The following DNA2 variants were observed in gnomAD, a reference collection of about 807,000 sequenced individuals.
DNA2 encodes the protein DNA replication ATP-dependent helicase/nuclease DNA2.
A neutral mutation model predicts 119.1 loss-of-function variants in DNA2; 101 were observed. The ratio of observed to expected loss-of-function variants is 0.85; its 90% confidence interval spans 0.72 to 1.00. The LOEUF (loss-of-function observed/expected upper bound fraction) is 1.00, where lower values mean the gene tolerates loss of function less well. Among genes scored for constraint, DNA2 ranks in the 50% least tolerant of loss-of-function variants. The pLI, the probability that DNA2 is intolerant of heterozygous loss-of-function variation, is 0.00. For synonymous variants in DNA2, 366 were observed against 424.4 expected, an observed-to-expected ratio of 0.86 and a Z score of 1.69; for missense variants, 1,121 against 1,255.5, an observed-to-expected ratio of 0.89 and a Z score of 1.62.
chr10:68,415,003 A>G lies in DNA2; in HGVS notation c.*36T>C, dbSNP rs757936460. ...TGTATGGGCACTAGCTAGAGGAGAT[A>G]CTGCCCTAGTATGAAAAGGCAAGGG... On this transcript the variant is annotated 3_prime_UTR_variant, in exon 21 of 21. Coordinates refer to ENST00000358410, the MANE Select transcript of DNA2 (RefSeq NM_001080449.3). 1.4e-6 allele frequency: 2 copies of G among 1,380,950 alleles called. No homozygotes were observed. The highest frequency in any genetic ancestry group is 1.3e-5 in the South Asian group (1 of 79,896). 85.5% of individuals were successfully genotyped at this position (1,380,950 alleles called of 1,614,324 possible). A position where few individuals can be genotyped will look rare whatever the true frequency, so the allele number is the denominator to read the frequency against.
Position 68,422,844 on chromosome 10 carries a change from G to T in DNA2, c.2255C>A (p.Ser752Tyr). Reference protein sequence around the residue: ...TCMGINHPIFSRKIFDFCIVD... With the variant: ...TCMGINHPIFYRKIFDFCIVD... ...AATACAAAAATCAAAAATTTTACGG[G>T]AAAATATTGGATGGTTTATTCCCAT... The change falls in exon 15 of 21, where the codon TCC (serine) becomes TAC (tyrosine). Residue 752 changes from serine to tyrosine, a missense_variant. Ser to Tyr is a moderately radical substitution (Grantham distance 144, BLOSUM62 -2). Transcript: ENST00000358410. 1 of 1,608,454 alleles carries T rather than the reference G, an allele frequency of 6.2e-7. No individual in the cohort carries two copies. The highest frequency in any genetic ancestry group is 8.5e-7 in the Non-Finnish European group (1 of 1,178,634).
Position 68,459,489 on chromosome 10 carries a change from C to T in DNA2, c.588-254G>A, listed in dbSNP as rs139644023. On this transcript the variant is annotated intron_variant, in intron 4 of 20. Coordinates refer to ENST00000358410, the MANE Select transcript of DNA2 (RefSeq NM_001080449.3). Reference sequence around the variant, plus strand: ...ACATTGAAGAACCTTCAGGACATTACGCTAAGTGAAATAGGCCAGTCACAA... The same window carrying T: ...ACATTGAAGAACCTTCAGGACATTATGCTAAGTGAAATAGGCCAGTCACAA... 1.2e-3 allele frequency among the ~76,000 whole-genome samples: 189 copies of T among 152,208 alleles called. 1 individual carries two copies. The highest frequency in any genetic ancestry group is 0.01 in the Middle Eastern group (3 of 294).
intron 4 of DNA2, among the ~76,000 whole-genome samples, chr10:68,460,610 G>A (rs1423191830): frequency 6.6e-6 from 1 of 152,032 alleles, no homozygotes; most frequent in East Asian, 1.9e-4. Context: ...GTTTCACCAT[G>A]TTGGCCAGCC....
chr10:68,425,197 C>A (rs534872752), intron 14 of DNA2, among the ~76,000 whole-genome samples: 1 of 148,428 alleles, frequency 6.7e-6, no homozygotes, highest in Admixed American at 6.9e-5. Context: ...CAGGTTCAAG[C>A]GATTCTCCTG....
intron 6 of DNA2, among the ~76,000 whole-genome samples, chr10:68,447,765 T>C (rs1019937919): frequency 6.6e-6 from 1 of 151,224 alleles, no homozygotes; most frequent in Non-Finnish European, 1.5e-5. Flanking sequence ...GGGCGGATCA[T>C]GAGGTCAGGA....
intron 19 of DNA2, among the ~76,000 whole-genome samples, chr10:68,417,291 G>A (rs1490999065): frequency 1.3e-5 from 2 of 149,722 alleles, no homozygotes; most frequent in Non-Finnish European, 3.0e-5. Context: ...GATGAGGGAT[G>A]GAGTACAAAG....
intron 1 of DNA2, 22 bp downstream of exon 1, chr10:68,471,769 A>G (rs1590080525): frequency 1.3e-6 from 2 of 1,574,060 alleles, no homozygotes; most frequent in African/African-American, 1.4e-5. Flanking sequence ...TTGTTCCCAC[A>G]CCCTCCCCCC....
At chr10:68,457,004 G>T (rs949182896) in intron 5 of DNA2, among the ~76,000 whole-genome samples, 33 of 151,892 alleles carry the variant, frequency 2.2e-4, no homozygotes, top group East Asian at 3.9e-4. Flanking sequence ...CATGGTGGCA[G>T]GCACCTGTAG....
chr10:68,460,908 T>A (rs868104539), intron 4 of DNA2, among the ~76,000 whole-genome samples: 2,106 of 143,556 alleles, frequency 0.015, 52 homozygotes, highest in African/African-American at 0.05. Flanking sequence ...AGACCCTGTT[T>A]AAAAAAAAAA....
chr10:68,471,117 A>C (rs2052376915), intron 1 of DNA2, among the ~76,000 whole-genome samples: 1 of 152,160 alleles, frequency 6.6e-6, no homozygotes, highest in Non-Finnish European at 1.5e-5. Flanking sequence ...GGAGGGTCCA[A>C]AGTCATTACC....
chr10:68,438,134 C>A (rs1001043701), intron 9 of DNA2, among the ~76,000 whole-genome samples: 1 of 152,148 alleles, frequency 6.6e-6, no homozygotes, highest in Non-Finnish European at 1.5e-5. Context: ...GCACTTTGAT[C>A]CCTGAGGGGT....
In DNA2 at chr10:68,432,453, A is replaced by T; in HGVS notation, c.1704T>A (p.Asn568Lys). The change falls in exon 11 of 21, where the codon AAT becomes AAA. Residue 568 changes from asparagine (N) to lysine (K), a missense_variant. Asn to Lys is a moderately conservative substitution (Grantham distance 94, BLOSUM62 0). Transcript: ENST00000358410. ...TTCCTAATGGGGTATCTATATCACA[A>T]TTTTTTTCTTCTTGGTCTAATCTGA... Reference protein sequence around the residue: ...TLFRLDQEEKNCDIDTPLGNL... With the variant: ...TLFRLDQEEKKCDIDTPLGNL... 6.9e-6 allele frequency: 11 copies of T among 1,591,124 alleles called. No homozygotes were observed. Among genetic ancestry groups the T allele is most frequent in the Non-Finnish European group, 9.4e-6 (11 of 1,168,932 alleles).
At chr10:68,470,219 CA>C in intron 1 of DNA2, 56 bp from the exon 2 acceptor site, 1 of 1,433,360 alleles carries the variant, frequency 7.0e-7, no homozygotes, top group Non-Finnish European at 9.3e-7. Context: ...AGAAGCCATC[CA>C]ATATGTTTTA....
chr10:68,424,621 C>A (rs1282204576), intron 14 of DNA2: 13 of 1,506,116 alleles, frequency 8.6e-6, no homozygotes, highest in Non-Finnish European at 6.5e-6. Context: ...CACTTCCATG[C>A]CCCCTTGCAC....
intron 4 of DNA2, among the ~76,000 whole-genome samples, chr10:68,464,217 G>A (rs2052297232): frequency 6.6e-6 from 1 of 152,070 alleles, no homozygotes; most frequent in African/African-American, 2.4e-5. Context: ...TTGGTAATAT[G>A]TATCAAAATT....
rs773057527 is a variant in DNA2, at chr10:68,446,358, A to C, written c.995T>G (p.Leu332Trp). ...CTGACCAGTCTTGAGGTAGAGAAGC[A>C]AGCCAGCCTCTGGATCAGCTCTTCT... ...QERRADPEAG[L>W]LLYLKTGQMY... Residue 332 changes from leucine (L) to tryptophan (W), a missense_variant, in exon 7 of 21, where the codon TTG (leucine) becomes TGG (tryptophan). Coordinates refer to ENST00000358410, the MANE Select transcript of DNA2 (RefSeq NM_001080449.3). 1.6e-4 allele frequency: 253 copies of C among 1,599,450 alleles called. No homozygotes were observed. The highest frequency in any genetic ancestry group is 2.1e-4 in the Non-Finnish European group (242 of 1,172,956).
At chr10:68,452,879 C>T (rs778860067) in intron 5 of DNA2, among the ~76,000 whole-genome samples, 23 of 150,508 alleles carry the variant, frequency 1.5e-4, no homozygotes, top group African/African-American at 3.4e-4. Flanking sequence ...CCACCATGCG[C>T]GGCCACTATA....
rs773018465 is a variant in DNA2 at position 68,430,526 on chromosome 10, A to G, written c.2118T>C (p.His706=). Residue 706 remains histidine, a synonymous_variant, in exon 14 of 21, where the codon CAT becomes CAC. Coordinates refer to ENST00000358410, the MANE Select transcript of DNA2 (RefSeq NM_001080449.3). ...GCTCTGTAAATTGCTGGATAGCTGG[A>G]TGAACCTTCTGAATCTGACCCAAAC... ...FLRLGQIQKV[H]PAIQQFTEQE... is the part of the protein sequence containing the mutation. 8.1e-6 allele frequency: 13 copies of G among 1,612,026 alleles called. No homozygotes were observed. The South Asian group carries it at 1.4e-4, about 18-fold the overall frequency.
chr10:68,471,423 T>C (rs1179139911), intron 1 of DNA2, among the ~76,000 whole-genome samples: 1 of 152,216 alleles, frequency 6.6e-6, no homozygotes, highest in East Asian at 1.9e-4. Flanking sequence ...TACACCATGC[T>C]GAGGGTGCAG....
Sources: allele counts gnomAD v4.1 joint callset (sites outside exome capture counted in the v4.1 genomes callset), GRCh38; gene constraint gnomAD v4.1.1; transcripts MANE v1.5; gene names NCBI Gene and HGNC (gene_info 2026-07-23, HGNC 2026-07-21).